LAD1: variants seen among roughly 807,000 people sequenced by gnomAD.
LAD1 encodes ladinin-1.
A neutral mutation model predicts 54.2 loss-of-function variants in LAD1; 53 were observed. The ratio of observed to expected loss-of-function variants is 0.98; its 90% confidence interval spans 0.78 to 1.23. The LOEUF is 1.23. Ranked by LOEUF, LAD1 falls within the 50% of genes most tolerant of loss-of-function variation. LAD1 has a pLI of 0.00. For synonymous variants in LAD1, 231 were observed against 257.7 expected, an observed-to-expected ratio of 0.90 and a Z score of 0.99; for missense variants, 637 against 653.3, an observed-to-expected ratio of 0.98 and a Z score of 0.27.
intron 1 of LAD1, among the ~76,000 whole-genome samples, chr1:201,392,230 G>T (rs1662208107): frequency 6.6e-6 from 1 of 152,230 alleles, no homozygotes; most frequent in Non-Finnish European, 1.5e-5. Context: ...AGCATCCCCT[G>T]GATTGAGCCA....
chr1:201,397,492 C>A (rs1349070399), intron 1 of LAD1, among the ~76,000 whole-genome samples: 1 of 152,188 alleles, frequency 6.6e-6, no homozygotes, highest in South Asian at 2.1e-4. Flanking sequence ...GAGCAGTGGA[C>A]AAGCTTAGGC....
At position 201,383,309 on chromosome 1, in the gene LAD1, C is replaced by T. The variant is rs1286395719; in HGVS notation, c.1248+8G>A. 1.2e-6 allele frequency: 2 copies of T among 1,613,868 alleles called. No homozygotes were observed. Among genetic ancestry groups the T allele is most frequent in the African/African-American group, 2.7e-5 (2 of 74,918 alleles). On this transcript the variant is annotated splice_region_variant and intron_variant, in intron 6 of 9. Coordinates refer to ENST00000391967, the MANE Select transcript of LAD1 (RefSeq NM_005558.4). The stretch of plus-strand genomic sequence containing the variant: ...ACCCTCCGCCCCTCAGGAGAAGCCC[C>T]CACCCACCCGTATGGCCGTGTGGTA...
rs565529980 is a variant in LAD1, at chr1:201,381,746, C to G, written c.*142G>C. On this transcript the variant is annotated 3_prime_UTR_variant, in exon 10 of 10. Coordinates refer to ENST00000391967, the MANE Select transcript of LAD1 (RefSeq NM_005558.4). ...TGAGTCTTGCAAATATTCCTGACCC[C>G]AGGGACCCTGGCCAAACAGATCCAC... 1.1e-6 allele frequency: 1 copy of G among 936,854 alleles called. No homozygotes were observed. The highest frequency in any genetic ancestry group is 1.7e-6 in the Non-Finnish European group (1 of 572,222). The allele number at this position is 936,854 out of a possible 1,614,324, so 58.0% of individuals were successfully genotyped here.
intron 1 of LAD1, among the ~76,000 whole-genome samples, chr1:201,393,605 G>C (rs1173473907): frequency 6.6e-6 from 1 of 151,978 alleles, no homozygotes; most frequent in African/African-American, 2.4e-5. Flanking sequence ...AATTAGCCGG[G>C]CATGGTGGCA....
chr1:201,394,476 A>C lies in LAD1; in HGVS notation c.38+4793T>G, dbSNP rs183638820. Among the ~76,000 whole-genome samples, 526 of 152,312 alleles carry C rather than the reference A, an allele frequency of 3.5e-3. 2 individuals are homozygous for C. Among genetic ancestry groups the C allele is most frequent in the Middle Eastern group, 0.02 (6 of 294 alleles). ...CTCAGGGGAGATGGAGAGGCGCCCAAATCAAACTATCCCCCTATGGCCTTG... is the reference window on the plus strand; with the variant it reads ...CTCAGGGGAGATGGAGAGGCGCCCACATCAAACTATCCCCCTATGGCCTTG... On this transcript the variant is annotated intron_variant, in intron 1 of 9. Transcript: ENST00000391967.
At chr1:201,396,190 C>T (rs1662285590) in intron 1 of LAD1, among the ~76,000 whole-genome samples, 1 of 152,140 alleles carries the variant, frequency 6.6e-6, no homozygotes, top group Non-Finnish European at 1.5e-5. Flanking sequence ...GCCACAGCCC[C>T]AGGCAGCTGC....
In LAD1 at chr1:201,388,110, T is replaced by C. The variant is rs528005109; in HGVS notation, c.183-932A>G. Among the ~76,000 whole-genome samples the C allele has an allele frequency of 1.1e-3, 161 of 152,292 alleles. 2 individuals are homozygous for C. Among genetic ancestry groups the C allele is most frequent in the Non-Finnish European group, 6.8e-4 (46 of 68,032 alleles). Reference sequence around the variant, plus strand: ...GGTTCTTCTCCTCAGAAGTAAATTATAGGCCGGTGCAGCGGCTCACACCTG... The same window carrying C: ...GGTTCTTCTCCTCAGAAGTAAATTACAGGCCGGTGCAGCGGCTCACACCTG... On this transcript the variant is annotated intron_variant, in intron 2 of 9. Transcript: ENST00000391967.
chr1:201,390,824 G>A (rs900775706), intron 1 of LAD1, among the ~76,000 whole-genome samples: 3 of 152,162 alleles, frequency 2.0e-5, no homozygotes, highest in African/African-American at 7.2e-5. Flanking sequence ...GGAACCACTG[G>A]GTTGAACTGT....
intron 4 of LAD1, among the ~76,000 whole-genome samples, chr1:201,385,327 GA>G (rs896306042): frequency 1.3e-5 from 2 of 152,204 alleles, no homozygotes; most frequent in Admixed American, 1.3e-4. Flanking sequence ...GGAGCAGTAG[GA>G]GAGCCTTGCT....
At chr1:201,392,730 G>A (rs1475868083) in intron 1 of LAD1, among the ~76,000 whole-genome samples, 2 of 151,942 alleles carry the variant, frequency 1.3e-5, no homozygotes, top group Non-Finnish European at 2.9e-5. Context: ...CCTGGAGAGT[G>A]TTACACAGAA....
intron 2 of LAD1, among the ~76,000 whole-genome samples, chr1:201,388,288 G>A (rs530559823): frequency 3.9e-4 from 60 of 152,256 alleles, no homozygotes; most frequent in African/African-American, 1.4e-3. Context: ...CTACTCGGGA[G>A]GCTGAGGCAA....
At chr1:201,386,089 TG>T (rs904785774) in intron 3 of LAD1, among the ~76,000 whole-genome samples, 4 of 152,074 alleles carry the variant, frequency 2.6e-5, no homozygotes, top group African/African-American at 9.7e-5. Flanking sequence ...GAGGATATGG[TG>T]GGGGGCACCA....
In LAD1 at chr1:201,386,397, C is replaced by T; in HGVS notation, c.964G>A (p.Ala322Thr). Residue 322 changes from alanine (A) to threonine (T), a missense_variant, in exon 3 of 10, where the codon GCA (alanine) becomes ACA (threonine). Transcript: ENST00000391967. ...GGAGGGTCTGAAGCCCCCTGCTTTG[C>T]CAAAGAGGGCAGGTTCTTCCCAGGG... The part of the protein sequence containing the change: ...ALPGKNLPSL[A>T]KQGASDPPTV... The T allele has an allele frequency of 2.6e-6, 4 of 1,522,164 alleles. No individual in the cohort carries two copies. The highest frequency in any genetic ancestry group is 3.5e-6 in the Non-Finnish European group (4 of 1,139,410). The allele number at this position is 1,522,164 out of a possible 1,614,324, so 94.3% of individuals were successfully genotyped here. A position where few individuals can be genotyped will look rare whatever the true frequency, so the allele number is the denominator to read the frequency against.
chr1:201,382,382 C>G (rs371866347), intron 8 of LAD1, 56 bp from the exon 9 acceptor site: 19 of 1,367,166 alleles, frequency 1.4e-5, no homozygotes, highest in Non-Finnish European at 1.9e-5. Context: ...CCAAAGGGCT[C>G]GGGATACCCC....
chr1:201,399,001 G>C (rs565489880), intron 1 of LAD1, among the ~76,000 whole-genome samples: 1 of 152,302 alleles, frequency 6.6e-6, no homozygotes, highest in South Asian at 2.1e-4. Context: ...CACAGGGGGG[G>C]CCATATCCCA....
chr1:201,383,101 GCT>G lies in LAD1; in HGVS notation c.1357_1358del (p.Ser453ProfsTer57), dbSNP rs1661995481. ...HLFEKELAGQSRAEPASSRKE... is the reference protein window; with the variant it reads ...HLFEKELAGQXRAEPASSRKE... ...TCCGGCTGGAGGCTGGTTCTGCTCGGCTCTGGCCCGCCAGTTCCTTCTCAAAG... is the reference window on the plus strand; with the variant it reads ...TCCGGCTGGAGGCTGGTTCTGCTCGGCTGGCCCGCCAGTTCCTTCTCAAAG... On this transcript the variant is annotated frameshift_variant, in exon 7 of 10. Transcript: ENST00000391967. LOFTEE classifies it high-confidence loss of function. The G allele has an allele frequency of 6.2e-7, 1 of 1,613,946 alleles. No individual in the cohort carries two copies. Among genetic ancestry groups the G allele is most frequent in the African/African-American group, 1.3e-5 (1 of 75,016 alleles).
chr1:201,394,281 A>G (rs1662248708), intron 1 of LAD1, among the ~76,000 whole-genome samples: 1 of 152,186 alleles, frequency 6.6e-6, no homozygotes, highest in South Asian at 2.1e-4. Context: ...TCCTCCCCCA[A>G]AGGCAATCTG....
Position 201,383,306 on chromosome 1 carries a change from C to A in LAD1, c.1248+11G>T, listed in dbSNP as rs1225708345. On this transcript the variant is annotated intron_variant, in intron 6 of 9. Coordinates refer to ENST00000391967, the MANE Select transcript of LAD1 (RefSeq NM_005558.4). ...TGCACCCTCCGCCCCTCAGGAGAAG[C>A]CCCCACCCACCCGTATGGCCGTGTG... 1 of 1,613,894 alleles carries A rather than the reference C, an allele frequency of 6.2e-7. No individual in the cohort carries two copies. Among genetic ancestry groups the A allele is most frequent in the Non-Finnish European group, 8.5e-7 (1 of 1,179,868 alleles).
At position 201,385,727 on chromosome 1, in the gene LAD1, A is replaced by G; in HGVS notation, c.1105T>C (p.Ser369Pro). ...CGAAAGGAGATGGTCCTGGGGCTGGAGCGTTTGAGGGAGCTGCTGTAGGTT... is the reference window on the plus strand; with the variant it reads ...CGAAAGGAGATGGTCCTGGGGCTGGGGCGTTTGAGGGAGCTGCTGTAGGTT... ...QRTYSSSLKR[S>P]SPRTISFRMK... The change falls in exon 4 of 10, where the codon TCC becomes CCC. Residue 369 changes from serine (S) to proline (P), a missense_variant. Coordinates refer to ENST00000391967, the MANE Select transcript of LAD1 (RefSeq NM_005558.4). The G allele has an allele frequency of 1.9e-6, 3 of 1,613,886 alleles. No homozygotes were observed. The highest frequency in any genetic ancestry group is 2.5e-6 in the Non-Finnish European group (3 of 1,179,902).
Sources: gnomAD v4.1 joint callset for allele counts (sites outside exome capture counted in the v4.1 genomes callset) on GRCh38, gnomAD v4.1.1 for gene constraint, MANE v1.5 for transcripts, NCBI Gene and HGNC (gene_info 2026-07-23, HGNC 2026-07-21) for gene names.